PLEKHM3: variants seen among roughly 807,000 people sequenced by gnomAD.
PLEKHM3 encodes pleckstrin homology domain-containing family M member 3.
PLEKHM3 carries 45 observed loss-of-function variants against 81.8 expected under a neutral mutation model. The observed-to-expected ratio is 0.55, with a 90% CI of 0.43 to 0.71. The LOEUF (loss-of-function observed/expected upper bound fraction) is 0.71, where lower values mean the gene tolerates loss of function less well. Ranked by LOEUF, PLEKHM3 falls within the 30% of genes least tolerant of loss-of-function variation. The pLI is 0.00. For synonymous variants in PLEKHM3, 352 were observed against 356.4 expected, an observed-to-expected ratio of 0.99 and a Z score of 0.14; for missense variants, 788 against 924.3, an observed-to-expected ratio of 0.85 and a Z score of 1.91.
chr2:207,857,983 A>G (rs1388238573), intron 7 of PLEKHM3, among the ~76,000 whole-genome samples: 5 of 151,284 alleles, frequency 3.3e-5, no homozygotes, highest in African/African-American at 9.7e-5. Context: ...TTTCATTCTA[A>G]CTGCTACTTT....
chr2:207,897,882 T>C (rs570443430), intron 6 of PLEKHM3, among the ~76,000 whole-genome samples: 1 of 152,196 alleles, frequency 6.6e-6, no homozygotes, highest in Non-Finnish European at 1.5e-5. Context: ...TAAGGGAATG[T>C]AGGGCTTCCT....
rs147750361 is a variant in PLEKHM3, at chr2:207,887,599, G to C, written c.1950+20915C>G. On this transcript the variant is annotated intron_variant, in intron 6 of 7. Transcript: ENST00000427836. Reference sequence around the variant, plus strand: ...TAATTCATGTTATGAAATACAGTAAGGGAGGACTTACTCATCAGTAAACAA... The same window carrying C: ...TAATTCATGTTATGAAATACAGTAACGGAGGACTTACTCATCAGTAAACAA... Among the ~76,000 whole-genome samples, 719 of 152,306 alleles carry C rather than the reference G, an allele frequency of 4.7e-3. 3 individuals are homozygous for C. Among genetic ancestry groups the C allele is most frequent in the African/African-American group, 0.015 (641 of 41,568 alleles).
At position 207,931,103 on chromosome 2, in the gene PLEKHM3, T is replaced by G. The variant is rs776689912; in HGVS notation, c.1709A>C (p.Lys570Thr). The G allele has an allele frequency of 1.2e-6, 2 of 1,611,948 alleles. No homozygotes were observed. Among genetic ancestry groups the G allele is most frequent in the Non-Finnish European group, 8.5e-7 (1 of 1,178,656 alleles). Residue 570 changes from lysine (K) to threonine (T), a missense_variant, in exon 5 of 8, where the codon AAG (lysine) becomes ACG (threonine). By Grantham distance (78) the Lys-to-Thr change is moderately conservative (BLOSUM62 -1). Coordinates refer to ENST00000427836, the MANE Select transcript of PLEKHM3 (RefSeq NM_001080475.3). Reference sequence around the variant, plus strand: ...TTCGTACACGTACTCCAGAAACTCCTTGGCCTGCTTCGACACCTACAAAAC... The same window carrying G: ...TTCGTACACGTACTCCAGAAACTCCGTGGCCTGCTTCGACACCTACAAAAC... ...TSKYKVSKQAKEFLEYVYEEP... is the reference protein window; with the variant it reads ...TSKYKVSKQATEFLEYVYEEP...
intron 5 of PLEKHM3, among the ~76,000 whole-genome samples, chr2:207,910,080 C>T (rs915427198): frequency 6.6e-6 from 1 of 152,188 alleles, no homozygotes; most frequent in African/African-American, 2.4e-5. Flanking sequence ...AGCACTGTTT[C>T]ACCCACAGGA....
At chr2:207,859,178 C>T (rs1273313738) in intron 7 of PLEKHM3, among the ~76,000 whole-genome samples, 1 of 121,170 alleles carries the variant, frequency 8.3e-6, no homozygotes, top group South Asian at 2.5e-4. Context: ...ACTTTTGTTG[C>T]CCAGGCTGGA....
In PLEKHM3 at chr2:207,931,811, A is replaced by G. The variant is rs147520130; in HGVS notation, c.1693-692T>C. Among the ~76,000 whole-genome samples, 1,439 of 152,260 alleles carry G rather than the reference A, an allele frequency of 9.5e-3. 57 individuals are homozygous for G. The East Asian group carries it at 0.11, about 11-fold the overall frequency. ...GACATGGCGAAACCCCGTCTCTACT[A>G]AAAATACAGAAATTAGCCAGGCGTG... On this transcript the variant is annotated intron_variant, in intron 4 of 7. Coordinates refer to ENST00000427836, the MANE Select transcript of PLEKHM3 (RefSeq NM_001080475.3).
chr2:207,940,839 T>C (rs1409940462), intron 4 of PLEKHM3, among the ~76,000 whole-genome samples: 4 of 152,250 alleles, frequency 2.6e-5, no homozygotes, highest in Non-Finnish European at 5.9e-5. Flanking sequence ...TAAAAATATC[T>C]GGAGCACAGG....
chr2:207,925,132 G>GTTTT (rs202065426), intron 5 of PLEKHM3, among the ~76,000 whole-genome samples: 1 of 138,520 alleles, frequency 7.2e-6, no homozygotes, highest in African/African-American at 2.6e-5. Context: ...GAACAGGGTT[G>GTTTT]TTTTTTTGTT....
chr2:207,937,648 T>C (rs1333744739), intron 4 of PLEKHM3, among the ~76,000 whole-genome samples: 1 of 151,934 alleles, frequency 6.6e-6, no homozygotes, highest in South Asian at 2.1e-4. Context: ...ATATGACAGT[T>C]AAAATTTATA....
Position 208,007,485 on chromosome 2 carries a change from A to G in PLEKHM3, c.-318-5528T>C, listed in dbSNP as rs551216883. Among the ~76,000 whole-genome samples the G allele has an allele frequency of 1.3e-4, 20 of 152,390 alleles. No homozygotes were observed. In the East Asian group the frequency reaches 3.7e-3, roughly 28 times the overall value. On this transcript the variant is annotated intron_variant, in intron 1 of 7. Transcript: ENST00000427836. ...CCTCATAAAAAGAGCTCAGAGGCCTATCAGATGAAACAGACAGCTAGAAAC... is the reference window on the plus strand; with the variant it reads ...CCTCATAAAAAGAGCTCAGAGGCCTGTCAGATGAAACAGACAGCTAGAAAC...
At chr2:207,917,104 G>A (rs1689018060) in intron 5 of PLEKHM3, among the ~76,000 whole-genome samples, 1 of 152,202 alleles carries the variant, frequency 6.6e-6, no homozygotes, top group South Asian at 2.1e-4. Flanking sequence ...GTCATCTAAT[G>A]GAAAAGAATT....
intron 3 of PLEKHM3, among the ~76,000 whole-genome samples, chr2:207,950,291 T>A (rs1199802706): frequency 6.6e-6 from 1 of 152,214 alleles, no homozygotes; most frequent in East Asian, 1.9e-4. Flanking sequence ...TTTAGGCACA[T>A]GGTATACAGA....
At chr2:207,940,357 A>G (rs568776523) in intron 4 of PLEKHM3, among the ~76,000 whole-genome samples, 1 of 152,324 alleles carries the variant, frequency 6.6e-6, no homozygotes, top group East Asian at 1.9e-4. Flanking sequence ...CAAATTTGGT[A>G]CACACTATGT....
chr2:208,023,365 G>A (rs1328735232), intron 1 of PLEKHM3, among the ~76,000 whole-genome samples: 3 of 151,178 alleles, frequency 2.0e-5, no homozygotes, highest in Middle Eastern at 3.4e-3. Context: ...TCACATTGTT[G>A]TGCAGCCAAT....
chr2:208,011,624 G>C (rs545991992), intron 1 of PLEKHM3, among the ~76,000 whole-genome samples: 2 of 151,874 alleles, frequency 1.3e-5, no homozygotes, highest in African/African-American at 4.8e-5. Flanking sequence ...GGGTGGGGAG[G>C]GGGTGAGGAA....
At position 207,823,302 on chromosome 2, in the gene PLEKHM3, A is replaced by C. The variant is rs972208601; in HGVS notation, c.*5017T>G. ...CACAAAACATGATCATTTGGAACTT[A>C]CTTTTTTTTTTTTTTTTGAGACGGA... On this transcript the variant is annotated 3_prime_UTR_variant, in exon 8 of 8. Coordinates refer to ENST00000427836, the MANE Select transcript of PLEKHM3 (RefSeq NM_001080475.3). The C allele has an allele frequency of 6.7e-6, 1 of 148,612 alleles. No homozygotes were observed. The highest frequency in any genetic ancestry group is 2.5e-5 in the African/African-American group (1 of 40,520). 9.2% of individuals were successfully genotyped at this position (148,612 alleles called of 1,614,324 possible).
intron 7 of PLEKHM3, among the ~76,000 whole-genome samples, chr2:207,851,915 C>G (rs1159351620): frequency 6.6e-6 from 1 of 152,056 alleles, no homozygotes; most frequent in Non-Finnish European, 1.5e-5. Flanking sequence ...CTTGCTGAAC[C>G]TGACCCGCCA....
At chr2:207,938,096 C>A (rs925205892) in intron 4 of PLEKHM3, among the ~76,000 whole-genome samples, 3 of 152,176 alleles carry the variant, frequency 2.0e-5, no homozygotes, top group African/African-American at 7.2e-5. Flanking sequence ...TGTGAATATT[C>A]AAGCTAGGAT....
intron 2 of PLEKHM3, among the ~76,000 whole-genome samples, chr2:207,998,394 C>T (rs926957890): frequency 6.6e-6 from 1 of 152,108 alleles, no homozygotes; most frequent in Non-Finnish European, 1.5e-5. Context: ...TGCCTGTAGT[C>T]CCAGCTATTT....
Sources: allele counts gnomAD v4.1 joint callset (sites outside exome capture counted in the v4.1 genomes callset), GRCh38; gene constraint gnomAD v4.1.1; transcripts MANE v1.5; gene names NCBI Gene and HGNC (gene_info 2026-07-23, HGNC 2026-07-21).